MYH16: variants seen among roughly 807,000 people sequenced by gnomAD.
The protein encoded by MYH16 is putative uncharacterized protein MYH16.
chr7:99,279,861 G>T lies in MYH16; in HGVS notation n.2887+124G>T, dbSNP rs200284905. 2.3e-3 allele frequency: 785 copies of T among 347,632 alleles called. 10 individuals are homozygous for T. In the East Asian group the frequency reaches 0.033, roughly 15 times the overall value. 21.5% of individuals were successfully genotyped at this position (347,632 alleles called of 1,614,324 possible). A position where few individuals can be genotyped will look rare whatever the true frequency, so the allele number is the denominator to read the frequency against. On this transcript the variant is annotated intron_variant and non_coding_transcript_variant, in intron 22 of 41. Coordinates refer to ENST00000439784, the Ensembl canonical transcript of MYH16. ...GACCACATGGGGCAGTTTTTTGGGG[G>T]TTTTTTTTTGTTTGTTTGTTTTGCG...
intron 1 of MYH16, among the ~76,000 whole-genome samples, chr7:99,241,688 A>G (rs753688381): frequency 2.3e-4 from 35 of 152,168 alleles, no homozygotes; most frequent in Admixed American, 1.3e-4. Context: ...AACTGTCAAG[A>G]TTTCAAATTA....
chr7:99,269,886 T>C (rs1792027495), intron 18 of MYH16, among the ~76,000 whole-genome samples: 1 of 145,390 alleles, frequency 6.9e-6, no homozygotes, highest in African/African-American at 2.7e-5. Flanking sequence ...TTTTTTTTTT[T>C]TTTTTGAGAC....
At chr7:99,283,590 A>T (rs772111076) in exon 24 of MYH16, 1 of 456,452 alleles carries the variant, frequency 2.2e-6, no homozygotes, top group South Asian at 1.5e-5. Context: ...CTACAGGCTG[A>T]GGAGGACAAG....
rs556873452 is a variant in MYH16, at chr7:99,289,252, G to A, written n.3707-35G>A. The A allele has an allele frequency of 7.3e-4, 198 of 271,304 alleles. 2 individuals are homozygous for A. The highest frequency in any genetic ancestry group is 2.1e-3 in the African/African-American group (92 of 44,022). The allele number at this position is 271,304 out of a possible 1,614,324, so 16.8% of individuals were successfully genotyped here. ...AGGGAGGGCTTGGCCTCCCCCACCC[G>A]CAACTTCCCCACTGAGTTCATCCTT... is the stretch of plus-strand genomic sequence containing the variant. On this transcript the variant is annotated intron_variant and non_coding_transcript_variant, in intron 29 of 41. Transcript: ENST00000439784.
At position 99,254,995 on chromosome 7, in the gene MYH16, G is replaced by A. The variant is rs572157821; in HGVS notation, n.893-587G>A. ...ACAAAAACTAAAAAAATGGCTGGGC[G>A]CAATGGCTCACACATGTAATCCCAG... On this transcript the variant is annotated intron_variant and non_coding_transcript_variant, in intron 8 of 41. Transcript: ENST00000439784. Among the ~76,000 whole-genome samples, 122 of 152,228 alleles carry A rather than the reference G, an allele frequency of 8.0e-4. 1 individual carries two copies. Among genetic ancestry groups the A allele is most frequent in the Non-Finnish European group, 1.3e-3 (89 of 68,024 alleles).
intron 40 of MYH16, among the ~76,000 whole-genome samples, chr7:99,305,195 A>G (rs561153000): frequency 6.4e-4 from 98 of 152,132 alleles, no homozygotes; most frequent in African/African-American, 2.3e-3. Context: ...TCTCAGAAAA[A>G]AAGAGAAAAG....
intron 9 of MYH16, among the ~76,000 whole-genome samples, chr7:99,256,339 C>A (rs186852864): frequency 1.9e-3 from 289 of 150,738 alleles, no homozygotes; most frequent in Middle Eastern, 6.8e-3. Context: ...ATGGCAAGCA[C>A]CTGTTATGAT....
exon 32 of MYH16, chr7:99,292,424 C>T (rs1328435198): frequency 2.2e-6 from 1 of 458,950 alleles, no homozygotes. Context: ...CGCCTCGTGT[C>T]CAAACTCAAC....
Position 99,262,200 on chromosome 7 carries a change from T to C in MYH16, n.1755+567T>C, listed in dbSNP as rs139521937. Among the ~76,000 whole-genome samples, 578 of 152,328 alleles carry C rather than the reference T, an allele frequency of 3.8e-3. 1 individual carries two copies. Among genetic ancestry groups the C allele is most frequent in the Non-Finnish European group, 6.1e-3 (413 of 68,030 alleles). ...CCTGCCAGCTTATAAGAATGCATTT[T>C]GTTTCCTTGGGATTTTATTATCGCT... On this transcript the variant is annotated intron_variant and non_coding_transcript_variant, in intron 13 of 41. Coordinates refer to ENST00000439784, the Ensembl canonical transcript of MYH16.
chr7:99,251,395 G>A (rs1425061029), intron 6 of MYH16, among the ~76,000 whole-genome samples: 7 of 152,152 alleles, frequency 4.6e-5, no homozygotes, highest in Admixed American at 3.9e-4. Context: ...ATAATCCCTC[G>A]TGGAATTCAG....
chr7:99,251,193 G>A lies in MYH16; in HGVS notation n.729+7G>A, dbSNP rs557985002. Reference sequence around the variant, plus strand: ...CAACAACTCCTCTCGCTTCGTAAGTGTGGGGACCACATGAGAGGCCCCCTG... The same window carrying A: ...CAACAACTCCTCTCGCTTCGTAAGTATGGGGACCACATGAGAGGCCCCCTG... On this transcript the variant is annotated splice_region_variant and intron_variant and non_coding_transcript_variant, in intron 6 of 41. Transcript: ENST00000439784. 4 of 212,566 alleles carry A rather than the reference G, an allele frequency of 1.9e-5. No homozygotes were observed. The South Asian group carries it at 2.6e-4, about 14-fold the overall frequency. The allele number at this position is 212,566 out of a possible 1,614,324, so 13.2% of individuals were successfully genotyped here.
chr7:99,289,237 TG>T, intron 29 of MYH16, 49 bp from the exon 11 acceptor site: 1 of 244,094 alleles, frequency 4.1e-6, no homozygotes, highest in Non-Finnish European at 9.0e-6. Flanking sequence ...AGGGAGGGCT[TG>T]GCCTCCCCCA....
chr7:99,263,755 G>A (rs1285582150), intron 14 of MYH16, among the ~76,000 whole-genome samples: 3 of 152,180 alleles, frequency 2.0e-5, no homozygotes, highest in African/African-American at 7.2e-5. Flanking sequence ...ACACCCAGAT[G>A]TTCTATGTTT....
intron 6 of MYH16, among the ~76,000 whole-genome samples, chr7:99,251,829 C>T (rs200830860): frequency 7.2e-5 from 11 of 151,968 alleles, no homozygotes; most frequent in Non-Finnish European, 1.3e-4. Flanking sequence ...AAAAATTAGC[C>T]GGGCATGGCC....
At chr7:99,290,841 T>A (rs994758073) in intron 30 of MYH16, 4 of 151,774 alleles carry the variant, frequency 2.6e-5, no homozygotes, top group Admixed American at 6.6e-5. Flanking sequence ...ATTTGATGGA[T>A]AAGAAAAATG....
At chr7:99,294,653 C>A (rs1454031097) in intron 33 of MYH16, among the ~76,000 whole-genome samples, 1 of 151,568 alleles carries the variant, frequency 6.6e-6, no homozygotes, top group African/African-American at 2.4e-5. Context: ...GCAACCTCCA[C>A]CTCCTGGATT....
At chr7:99,307,492 G>A (rs889906355), downstream of MYH16, among the ~76,000 whole-genome samples, 3 of 152,268 alleles carry the variant, frequency 2.0e-5, no homozygotes, top group East Asian at 1.9e-4. Flanking sequence ...CAGAGGCCAA[G>A]GGGGAAAATG....
downstream of MYH16, among the ~76,000 whole-genome samples, chr7:99,309,403 G>A (rs1792728153): frequency 6.6e-6 from 1 of 152,212 alleles, no homozygotes; most frequent in African/African-American, 2.4e-5. Flanking sequence ...GAACTTTGAT[G>A]TGAAGCTGAG....
chr7:99,275,649 CT>C (rs1361444751), intron 20 of MYH16, among the ~76,000 whole-genome samples: 49 of 152,296 alleles, frequency 3.2e-4, no homozygotes, highest in African/African-American at 1.0e-3. Context: ...TTTAAGGTTC[CT>C]TCTGAGCAAG....
Sources: gnomAD v4.1 joint callset for allele counts (sites outside exome capture counted in the v4.1 genomes callset) on GRCh38, gnomAD v4.1.1 for gene constraint, MANE v1.5 for transcripts, NCBI Gene and HGNC (gene_info 2026-07-23, HGNC 2026-07-21) for gene names.